Variants in DLG2 observed in about 807,000 individuals in gnomAD.
The protein encoded by DLG2 is discs large MAGUK scaffold protein 2.
DLG2 carries 45 observed loss-of-function variants against 132.5 expected under a neutral mutation model. That is an observed-to-expected ratio of 0.34 (90% confidence interval 0.27 to 0.44). DLG2 has a LOEUF of 0.44. Ranked by LOEUF, DLG2 falls within the 20% of genes least tolerant of loss-of-function variation. DLG2 has a pLI of 1.00. For synonymous variants in DLG2, 424 were observed against 419.6 expected (o/e 1.01, Z -0.13); for missense variants, 1,045 against 1,196.9 (o/e 0.87, Z 1.87).
At chr11:84,328,111 G>A (rs1249608755) in intron 7 of DLG2, among the ~76,000 whole-genome samples, 2 of 152,086 alleles carry the variant, frequency 1.3e-5, no homozygotes, top group Non-Finnish European at 2.9e-5. Flanking sequence ...AGAGTGTGGA[G>A]GCCCTAGAAA....
intron 6 of DLG2, among the ~76,000 whole-genome samples, chr11:85,078,657 A>G (rs927177222): frequency 2.0e-5 from 3 of 152,028 alleles, no homozygotes; most frequent in Admixed American, 6.6e-5. Context: ...CAGGGAAGAC[A>G]TTTTGGTAGG....
rs938561217 is a variant in DLG2 at position 85,154,661 on chromosome 11, A to C, written c.187-10T>G. 2 of 1,352,886 alleles carry C rather than the reference A, an allele frequency of 1.5e-6. No individual in the cohort carries two copies. Among genetic ancestry groups the C allele is most frequent in the African/African-American group, 2.9e-5 (2 of 68,514 alleles). 83.8% of individuals were successfully genotyped at this position (1,352,886 alleles called of 1,614,324 possible). A position where few individuals can be genotyped will look rare whatever the true frequency, so the allele number is the denominator to read the frequency against. On this transcript the variant is annotated splice_polypyrimidine_tract_variant and intron_variant, in intron 4 of 27. Transcript: ENST00000376104. ...CACTGCAATCTGTAAGCTAAAATAA[A>C]AGTTTAAAAAATCAATACTCCTTTT...
At chr11:84,344,600 A>G (rs2098530915) in intron 7 of DLG2, among the ~76,000 whole-genome samples, 1 of 152,150 alleles carries the variant, frequency 6.6e-6, no homozygotes, top group Non-Finnish European at 1.5e-5. Flanking sequence ...AAGGCAACAG[A>G]TTTGTCAATT....
chr11:85,514,086 C>T (rs958698314), intron 3 of DLG2, among the ~76,000 whole-genome samples: 7 of 151,900 alleles, frequency 4.6e-5, no homozygotes, highest in African/African-American at 1.4e-4. Context: ...TTTTGTAAAA[C>T]TCAGATTTAT....
chr11:84,278,080 G>T (rs560463982), intron 7 of DLG2, among the ~76,000 whole-genome samples: 2 of 140,208 alleles, frequency 1.4e-5, no homozygotes, highest in Admixed American at 7.2e-5. Context: ...TTGAGACAGG[G>T]TCTCACTTTG....
chr11:83,722,054 CT>C (rs1251598318), intron 18 of DLG2, among the ~76,000 whole-genome samples: 2 of 152,066 alleles, frequency 1.3e-5, no homozygotes, highest in African/African-American at 4.8e-5. Context: ...TCCAACTACT[CT>C]TTTTTCCAAA....
intron 6 of DLG2, among the ~76,000 whole-genome samples, chr11:84,685,091 C>A (rs2099736967): frequency 6.6e-6 from 1 of 152,210 alleles, no homozygotes; most frequent in African/African-American, 2.4e-5. Context: ...TTAAGAGACA[C>A]AGAAACTAAG....
intron 6 of DLG2, among the ~76,000 whole-genome samples, chr11:85,063,804 G>C (rs189316482): frequency 6.6e-6 from 1 of 151,594 alleles, no homozygotes; most frequent in Non-Finnish European, 1.5e-5. Context: ...AGTACTTGTG[G>C]GATAATTTAT....
intron 3 of DLG2, among the ~76,000 whole-genome samples, chr11:85,322,760 T>G (rs1277885485): frequency 6.6e-6 from 1 of 152,162 alleles, no homozygotes; most frequent in Non-Finnish European, 1.5e-5. Flanking sequence ...CCTCCCTCTC[T>G]GCCACTTCCC....
intron 3 of DLG2, among the ~76,000 whole-genome samples, chr11:85,309,766 C>T (rs2080196484): frequency 6.6e-6 from 1 of 152,114 alleles, no homozygotes; most frequent in Admixed American, 6.6e-5. Context: ...ATTTCTTCTA[C>T]TTTTTATCCC....
At chr11:84,981,796 T>C (rs1011117210) in intron 6 of DLG2, among the ~76,000 whole-genome samples, 3 of 152,024 alleles carry the variant, frequency 2.0e-5, no homozygotes, top group African/African-American at 4.8e-5. Flanking sequence ...TGGTTGTCAA[T>C]ATTCACTGTT....
chr11:84,823,628 C>T (rs188171600), intron 6 of DLG2, among the ~76,000 whole-genome samples: 2 of 139,990 alleles, frequency 1.4e-5, no homozygotes, highest in East Asian at 2.1e-4. Flanking sequence ...CACACACACA[C>T]TTCATATTCC....
At chr11:85,616,655 CAGGCAGAGAAAGGGACT>C (rs2081357981) in intron 2 of DLG2, among the ~76,000 whole-genome samples, 1 of 152,050 alleles carries the variant, frequency 6.6e-6, no homozygotes, top group African/African-American at 2.4e-5. Context: ...TTCTCGGGTA[CAGGCAGAGAAAGGGACT>C]TCTCCTAGCC....
chr11:85,089,704 A>C (rs1159672098), intron 6 of DLG2, among the ~76,000 whole-genome samples: 1 of 152,210 alleles, frequency 6.6e-6, no homozygotes, highest in Non-Finnish European at 1.5e-5. Flanking sequence ...AGAAATCTCC[A>C]AACTGCTTTC....
chr11:83,733,992 G>A (rs1470386011), intron 18 of DLG2, among the ~76,000 whole-genome samples: 2 of 133,082 alleles, frequency 1.5e-5, no homozygotes, highest in Middle Eastern at 3.6e-3. Flanking sequence ...ACATTATTTA[G>A]CTCCTACTTA....
intron 21 of DLG2, among the ~76,000 whole-genome samples, chr11:83,507,983 T>A (rs993122031): frequency 5.3e-5 from 8 of 151,536 alleles, no homozygotes; most frequent in Non-Finnish European, 1.0e-4. Context: ...TAGGCCAGTC[T>A]AGTCTTTTCA....
intron 3 of DLG2, among the ~76,000 whole-genome samples, chr11:85,511,164 T>G (rs983347058): frequency 4.6e-5 from 7 of 151,846 alleles, no homozygotes; most frequent in African/African-American, 1.7e-4. Context: ...TAGATGGGAA[T>G]TGAACAATGA....
chr11:85,299,881 A>C (rs768192730), intron 3 of DLG2, among the ~76,000 whole-genome samples: 4 of 152,202 alleles, frequency 2.6e-5, no homozygotes, highest in Non-Finnish European at 4.4e-5. Context: ...CAAAGTAGCT[A>C]AATAGTGTTT....
intron 9 of DLG2, among the ~76,000 whole-genome samples, chr11:84,119,807 C>A (rs911919955): frequency 6.6e-6 from 1 of 152,008 alleles, no homozygotes; most frequent in Admixed American, 6.6e-5. Flanking sequence ...ATAATAAGGC[C>A]CAACTTAGAA....
Sources: allele counts gnomAD v4.1 joint callset (sites outside exome capture counted in the v4.1 genomes callset), GRCh38; gene constraint gnomAD v4.1.1; transcripts MANE v1.5; gene names NCBI Gene and HGNC (gene_info 2026-07-23, HGNC 2026-07-21).